Variants in SHB observed in about 807,000 individuals in gnomAD.
SHB encodes SH2 domain containing adaptor protein B.
SHB carries 20 observed loss-of-function variants against 52.3 expected under a neutral mutation model. That is an observed-to-expected ratio of 0.38 (90% CI 0.27 to 0.56). The LOEUF is 0.56. Among genes scored for constraint, SHB ranks in the 20% least tolerant of loss-of-function variants. The pLI is 0.71. For synonymous variants in SHB, 397 were observed against 316.5 expected, an observed-to-expected ratio of 1.25 and a Z score of -2.70; for missense variants, 825 against 723.3, an observed-to-expected ratio of 1.14 and a Z score of -1.61.
intron 3 of SHB, 54 bp from the exon 4 acceptor site, chr9:37,956,108 C>T (rs1157460334): frequency 1.3e-6 from 2 of 1,504,444 alleles, no homozygotes; most frequent in Non-Finnish European, 1.8e-6. Flanking sequence ...CAGGGAGCTA[C>T]TGTGAGGCAC....
At chr9:37,936,467 C>A (rs776021) in intron 5 of SHB, among the ~76,000 whole-genome samples, 111,324 of 152,056 alleles carry the variant, frequency 0.73, 40,894 homozygotes, top group South Asian at 0.84. Flanking sequence ...GCTCATTTTG[C>A]ATGTTGTGAT....
intron 1 of SHB, among the ~76,000 whole-genome samples, chr9:38,054,444 C>G (rs1303248890): frequency 6.6e-6 from 1 of 152,232 alleles, no homozygotes; most frequent in Non-Finnish European, 1.5e-5. Context: ...CAGTCACATG[C>G]CTGCACAGTT....
intron 3 of SHB, among the ~76,000 whole-genome samples, chr9:37,974,084 G>A (rs1385469391): frequency 1.3e-5 from 2 of 152,038 alleles, no homozygotes; most frequent in Admixed American, 6.6e-5. Context: ...GTGAAACCCC[G>A]TCTCTACTAA....
At chr9:38,065,493 G>A (rs1821950074) in intron 1 of SHB, among the ~76,000 whole-genome samples, 1 of 152,136 alleles carries the variant, frequency 6.6e-6, no homozygotes, top group South Asian at 2.1e-4. Flanking sequence ...TCCCCCACCA[G>A]GCATGCTCAA....
intron 1 of SHB, among the ~76,000 whole-genome samples, chr9:38,028,585 G>GA (rs1336435857): frequency 3.3e-5 from 5 of 152,212 alleles, no homozygotes; most frequent in Non-Finnish European, 7.3e-5. Flanking sequence ...TTGCGAAGAG[G>GA]AACTCCAGCC....
chr9:37,982,959 C>T (rs1820754147), intron 2 of SHB, among the ~76,000 whole-genome samples: 1 of 145,804 alleles, frequency 6.9e-6, no homozygotes, highest in African/African-American at 2.6e-5. Context: ...AGGAAATCAG[C>T]AGGCCTCTCT....
intron 1 of SHB, among the ~76,000 whole-genome samples, chr9:38,032,549 A>T (rs1821428471): frequency 6.6e-6 from 1 of 152,156 alleles, no homozygotes; most frequent in Non-Finnish European, 1.5e-5. Context: ...TGAGTGCTGG[A>T]AGTCTCCCTT....
At chr9:38,015,112 AC>A (rs1360153733) in intron 2 of SHB, among the ~76,000 whole-genome samples, 1 of 152,186 alleles carries the variant, frequency 6.6e-6, no homozygotes, top group African/African-American at 2.4e-5. Flanking sequence ...ACTCTCCTGC[AC>A]CCTGCAGCAC....
intron 2 of SHB, among the ~76,000 whole-genome samples, chr9:38,007,396 G>A (rs1821086719): frequency 6.6e-6 from 1 of 152,220 alleles, no homozygotes; most frequent in Non-Finnish European, 1.5e-5. Flanking sequence ...GGCCCAGAGA[G>A]GGAAGGAAAA....
At chr9:37,935,036 T>C (rs531523804) in intron 5 of SHB, among the ~76,000 whole-genome samples, 10 of 152,336 alleles carry the variant, frequency 6.6e-5, no homozygotes, top group Non-Finnish European at 1.2e-4. Context: ...GATGACATTT[T>C]GGTTAGGGTT....
chr9:38,030,267 T>C (rs558286061), intron 1 of SHB, among the ~76,000 whole-genome samples: 4 of 152,166 alleles, frequency 2.6e-5, no homozygotes, highest in South Asian at 2.1e-4. Flanking sequence ...CATGTACAAC[T>C]TCCCCCCTCA....
intron 1 of SHB, among the ~76,000 whole-genome samples, chr9:38,027,398 T>A (rs915713193): frequency 6.6e-6 from 1 of 152,150 alleles, no homozygotes; most frequent in Admixed American, 6.6e-5. Flanking sequence ...TATGCTGGCA[T>A]AGGCAAGGGC....
At chr9:37,970,719 C>T (rs1820581983) in intron 3 of SHB, among the ~76,000 whole-genome samples, 1 of 151,984 alleles carries the variant, frequency 6.6e-6, no homozygotes, top group Non-Finnish European at 1.5e-5. Context: ...TTGTCAGAGC[C>T]CTGCCTCGCT....
chr9:37,960,126 G>A (rs1832678081), intron 3 of SHB, among the ~76,000 whole-genome samples: 1 of 152,192 alleles, frequency 6.6e-6, no homozygotes, highest in African/African-American at 2.4e-5. Context: ...AGAGAGAACA[G>A]GTGGTGATGA....
intron 5 of SHB, among the ~76,000 whole-genome samples, chr9:37,933,259 T>C (rs966185558): frequency 1.3e-5 from 2 of 152,228 alleles, no homozygotes; most frequent in Middle Eastern, 3.2e-3. Context: ...GAGAATAGTT[T>C]ACAATGTTCC....
At chr9:38,019,219 C>T (rs1440996220) in intron 1 of SHB, among the ~76,000 whole-genome samples, 1 of 152,212 alleles carries the variant, frequency 6.6e-6, no homozygotes, top group Non-Finnish European at 1.5e-5. Flanking sequence ...GAGTGCTAAA[C>T]CCCAGGCAAG....
In SHB at chr9:37,917,490, C is replaced by T. The variant is rs1296499950; in HGVS notation, c.*2331G>A. Among the ~76,000 whole-genome samples, 1 of 152,214 alleles carries T rather than the reference C, an allele frequency of 6.6e-6. No individual in the cohort carries two copies. Among genetic ancestry groups the T allele is most frequent in the African/African-American group, 2.4e-5 (1 of 41,456 alleles). On this transcript the variant is annotated 3_prime_UTR_variant, in exon 6 of 6. Coordinates refer to ENST00000377707, the MANE Select transcript of SHB (RefSeq NM_003028.3). ...GGAAGGACCGTGAGGTGCGGCCCCA[C>T]CCAGCAGCCTCAGGAAGTGGCTGGA... is the stretch of plus-strand genomic sequence containing the variant.
At chr9:37,943,403 C>T (rs988192485) in intron 5 of SHB, among the ~76,000 whole-genome samples, 4 of 152,196 alleles carry the variant, frequency 2.6e-5, no homozygotes, top group Non-Finnish European at 4.4e-5. Context: ...GTAACTGACA[C>T]TGGACGGGGC....
At chr9:38,040,940 C>T (rs1161622353) in intron 1 of SHB, among the ~76,000 whole-genome samples, 1 of 151,924 alleles carries the variant, frequency 6.6e-6, no homozygotes, top group African/African-American at 2.4e-5. Flanking sequence ...ACACTGGGGA[C>T]ACGTGGCAGG....
Sources: allele counts gnomAD v4.1 joint callset (sites outside exome capture counted in the v4.1 genomes callset), GRCh38; gene constraint gnomAD v4.1.1; transcripts MANE v1.5; gene names NCBI Gene and HGNC (gene_info 2026-07-23, HGNC 2026-07-21).